Variants in NLGN2 observed in about 807,000 individuals in gnomAD.
NLGN2 encodes neuroligin-2.
A neutral mutation model predicts 48.6 loss-of-function variants in NLGN2; 11 were observed. That is an observed-to-expected ratio of 0.23 (90% confidence interval 0.14 to 0.37). NLGN2 has a LOEUF of 0.37. Ranked by LOEUF, NLGN2 falls within the 10% of genes least tolerant of loss-of-function variation. The pLI is 1.00. For synonymous variants in NLGN2, 548 were observed against 550.0 expected, an observed-to-expected ratio of 1.00 and a Z score of 0.05; for missense variants, 801 against 1,225.2, an observed-to-expected ratio of 0.65 and a Z score of 5.17.
rs1249938999 is a variant in NLGN2, at chr17:7,411,787, T to A, written c.458-370T>A. On this transcript the variant is annotated intron_variant, in intron 1 of 6. Transcript: ENST00000302926. The surrounding 1 kb of genome is among the most constrained non-coding windows in gnomAD (Gnocchi z 4.5). Reference sequence around the variant, plus strand: ...GCTTCCCCTCCCCTCCCACCCCACCTCTAACACTGTTTCATTTCCAGCAAT... The same window carrying A: ...GCTTCCCCTCCCCTCCCACCCCACCACTAACACTGTTTCATTTCCAGCAAT... Among the ~76,000 whole-genome samples the A allele has an allele frequency of 1.2e-4, 13 of 111,048 alleles. No individual in the cohort carries two copies. The highest frequency in any genetic ancestry group is 2.2e-4 in the Non-Finnish European group (12 of 54,056). The allele number at this position is 111,048 out of a possible 152,430, so 72.9% of individuals were successfully genotyped here. A position where few individuals can be genotyped will look rare whatever the true frequency, so the allele number is the denominator to read the frequency against.
chr17:7,416,668 C>T (rs1027863299), intron 6 of NLGN2, among the ~76,000 whole-genome samples: 1 of 152,156 alleles, frequency 6.6e-6, no homozygotes, highest in East Asian at 1.9e-4. Context: ...CTGTGTGTGT[C>T]CCTGCCCCTC....
chr17:7,407,510 A>G (rs1906693572), upstream of NLGN2, among the ~76,000 whole-genome samples: 1 of 152,188 alleles, frequency 6.6e-6, no homozygotes, highest in Non-Finnish European at 1.5e-5. Context: ...CCATGAAATT[A>G]CAGCTCAGGA....
intron 6 of NLGN2, among the ~76,000 whole-genome samples, chr17:7,416,696 GTC>G (rs978740980): frequency 8.5e-5 from 13 of 152,172 alleles, no homozygotes; most frequent in African/African-American, 3.1e-4. Context: ...ATTTCTGGCT[GTC>G]TCTGCCAGTC....
chr17:7,414,904 C>T (rs1907037005), intron 4 of NLGN2, 52 bp from the exon 5 acceptor site: 7 of 1,613,456 alleles, frequency 4.3e-6, no homozygotes, highest in Non-Finnish European at 5.9e-6. Flanking sequence ...ACTCCCCCCT[C>T]TCCTTCAGGC....
At position 7,411,079 on chromosome 17, in the gene NLGN2, C is replaced by T. The variant is rs1179750888; in HGVS notation, c.458-1078C>T. Among the ~76,000 whole-genome samples, 1 of 152,246 alleles carries T rather than the reference C, an allele frequency of 6.6e-6. No homozygotes were observed. The highest frequency in any genetic ancestry group is 1.5e-5 in the Non-Finnish European group (1 of 68,040). ...CCCCAGGCCTCTGGGCTCCAGCTCG[C>T]CCCTGACCAACCCCGTAATCTGGAA... On this transcript the variant is annotated intron_variant, in intron 1 of 6. Transcript: ENST00000302926. The surrounding 1 kb of genome is among the most constrained non-coding windows in gnomAD (Gnocchi z 4.5).
chr17:7,406,336 C>G (rs1362500623), upstream of NLGN2, among the ~76,000 whole-genome samples: 2 of 151,394 alleles, frequency 1.3e-5, no homozygotes, highest in Non-Finnish European at 2.9e-5. Context: ...CCAGAGTACC[C>G]TCAAGAGGAG....
rs772685956 is a variant in NLGN2, at chr17:7,413,735, A to G, written c.509-609A>G. ...TAAGCAGGCTCTTCCTCCTCCTGCC[A>G]CAGTAATTAGGCTGGGGGTTGCCAT... On this transcript the variant is annotated intron_variant, in intron 2 of 6. Coordinates refer to ENST00000302926, the MANE Select transcript of NLGN2 (RefSeq NM_020795.4). The surrounding 1 kb of genome is among the most constrained non-coding windows in gnomAD (Gnocchi z 4.9). 6.6e-6 allele frequency among the ~76,000 whole-genome samples: 1 copy of G among 152,048 alleles called. No homozygotes were observed. Among genetic ancestry groups the G allele is most frequent in the Admixed American group, 6.6e-5 (1 of 15,256 alleles).
At position 7,414,383 on chromosome 17, in the gene NLGN2, T is replaced by C; in HGVS notation, c.548T>C (p.Leu183Pro). 6.2e-7 allele frequency: 1 copy of C among 1,614,032 alleles called. No individual in the cohort carries two copies. Among genetic ancestry groups the C allele is most frequent in the Non-Finnish European group, 8.5e-7 (1 of 1,179,962 alleles). The change falls in exon 3 of 7, where the codon CTC (leucine) becomes CCC (proline). Residue 183 changes from leucine to proline, a missense_variant. Physicochemically the swap from Leu to Pro is moderately conservative, Grantham distance 98. This residue lies in a region of NLGN2 where 56 missense variants were observed against 100.0 expected (regional missense o/e 0.56). Transcript: ENST00000302926. ...DPGKKPVMLF[L>P]HGGSYMEGTG... ...GGGAAGAAGCCTGTGATGCTGTTTC[T>C]CCATGGCGGCTCCTACATGGAGGGG...
chr17:7,405,284 C>T (rs979537442), upstream of NLGN2: 19 of 152,490 alleles, frequency 1.2e-4, no homozygotes, highest in African/African-American at 4.6e-4. The surrounding 1 kb of genome is among the most constrained non-coding windows in gnomAD (Gnocchi z 6.8). Context: ...TCTGGTCCCT[C>T]GAAGCCGGCC....
chr17:7,407,772 C>T (rs1248978869), upstream of NLGN2, among the ~76,000 whole-genome samples: 2 of 151,850 alleles, frequency 1.3e-5, no homozygotes, highest in Admixed American at 6.6e-5. Flanking sequence ...CCAACCTAGG[C>T]GTCTGCTGAG....
chr17:7,409,300 C>T (rs913895395), intron 1 of NLGN2, among the ~76,000 whole-genome samples: 5 of 152,088 alleles, frequency 3.3e-5, no homozygotes, highest in African/African-American at 4.8e-5. Context: ...GACCCCTGTA[C>T]GCCCCTGAAG....
chr17:7,416,344 C>G (rs964850267), intron 6 of NLGN2, among the ~76,000 whole-genome samples: 4 of 151,438 alleles, frequency 2.6e-5, no homozygotes, highest in African/African-American at 9.7e-5. Flanking sequence ...TGGCGTCTGT[C>G]TCTCCCTCCT....
rs886509443 is a variant in NLGN2 at position 7,417,423 on chromosome 17, G to A, written c.2132G>A (p.Arg711Gln). The change falls in exon 7 of 7, where the codon CGG becomes CAG. Residue 711 changes from arginine (R) to glutamine (Q), a missense_variant. Coordinates refer to ENST00000302926, the MANE Select transcript of NLGN2 (RefSeq NM_020795.4). ...CGGCGGCAGGAGCTGCGGTGCAGGC[G>A]GCTTAGCCCACCTGGCGGCTCAGGC... is the stretch of plus-strand genomic sequence containing the variant. ...RDRRQELRCRRLSPPGGSGSG... is the reference protein window; with the variant it reads ...RDRRQELRCRQLSPPGGSGSG... The A allele has an allele frequency of 2.4e-5, 38 of 1,605,478 alleles. No homozygotes were observed. The highest frequency in any genetic ancestry group is 2.9e-5 in the Non-Finnish European group (34 of 1,177,170).
At chr17:7,407,317 C>T (rs142960660), upstream of NLGN2, among the ~76,000 whole-genome samples, 411 of 152,310 alleles carry the variant, frequency 2.7e-3, 1 homozygote, top group African/African-American at 9.7e-3. Context: ...GCGTCCCCTC[C>T]CTACTCTAAC....
rs1597714472 is a variant in NLGN2 at position 7,417,514 on chromosome 17, G to A, written c.2223G>A (p.Glu741=). The A allele has an allele frequency of 2.0e-6, 3 of 1,506,524 alleles. No homozygotes were observed. The highest frequency in any genetic ancestry group is 1.3e-5 in the South Asian group (1 of 77,650). 93.3% of individuals were successfully genotyped at this position (1,506,524 alleles called of 1,614,324 possible). A position where few individuals can be genotyped will look rare whatever the true frequency, so the allele number is the denominator to read the frequency against. The change falls in exon 7 of 7, where the codon GAG becomes GAA. Residue 741 remains glutamate (E), a synonymous_variant. Transcript: ENST00000302926. The stretch of plus-strand genomic sequence containing the variant: ...GCCGTGAGCTGCCACCAGAGGAGGA[G>A]CTGGTGTCACTGCAGCTGAAGCGGG... The part of the protein sequence containing the change: ...AAGRELPPEE[E]LVSLQLKRGG...
Position 7,416,055 on chromosome 17 carries a change from G to A in NLGN2, c.1582G>A (p.Val528Ile), listed in dbSNP as rs760021276. The A allele has an allele frequency of 9.1e-5, 141 of 1,555,830 alleles. No homozygotes were observed. Among genetic ancestry groups the A allele is most frequent in the Admixed American group, 2.8e-4 (16 of 57,962 alleles). The change falls in exon 6 of 7, where the codon GTC becomes ATC. Residue 528 changes from valine to isoleucine, a missense_variant. This residue lies in a region of NLGN2 where 303 missense variants were observed against 600.1 expected (regional missense o/e 0.50). Transcript: ENST00000302926. ...CCCCTGTAACTTCTCCAAGAATGAC[G>A]TCATGCTCAGTGCCGTGGTCATGAC... is the stretch of plus-strand genomic sequence containing the variant. Reference protein sequence around the residue: ...LFPCNFSKNDVMLSAVVMTYW... With the variant: ...LFPCNFSKNDIMLSAVVMTYW...
In NLGN2 at chr17:7,417,978, G is replaced by T; in HGVS notation, c.*179G>T. On this transcript the variant is annotated 3_prime_UTR_variant, in exon 7 of 7. Transcript: ENST00000302926. ...TGTCTTTCCCACGCAGAGAAGCCCA[G>T]TCTCTTCTCTGGATCTGGGCCTTTG... is the stretch of plus-strand genomic sequence containing the variant. The T allele has an allele frequency of 2.1e-6, 1 of 476,388 alleles. No homozygotes were observed. Among genetic ancestry groups the T allele is most frequent in the Non-Finnish European group, 3.3e-6 (1 of 299,420 alleles). 29.5% of individuals were successfully genotyped at this position (476,388 alleles called of 1,614,324 possible).
In NLGN2 at chr17:7,411,372, C is replaced by T. The variant is rs138641949; in HGVS notation, c.458-785C>T. On this transcript the variant is annotated intron_variant, in intron 1 of 6. Coordinates refer to ENST00000302926, the MANE Select transcript of NLGN2 (RefSeq NM_020795.4). This position sits in a 1 kb window ranked among gnomAD's most constrained non-coding sequence, Gnocchi z 4.5. Reference sequence around the variant, plus strand: ...GGGAGTGCGGAGGGTTGAGCTGGAGCGGAGGGCAAGACCTGATGACCCCCT... The same window carrying T: ...GGGAGTGCGGAGGGTTGAGCTGGAGTGGAGGGCAAGACCTGATGACCCCCT... Among the ~76,000 whole-genome samples the T allele has an allele frequency of 8.9e-3, 1,349 of 152,196 alleles. 70 individuals carry two copies. Among genetic ancestry groups the T allele is most frequent in the Admixed American group, 0.081 (1,239 of 15,284 alleles).
rs12947017 is a variant in NLGN2, at chr17:7,415,616, C to T, written c.1143C>T (p.Gly381=). The change falls in exon 6 of 7, where the codon GGC becomes GGT. Residue 381 remains glycine, a synonymous_variant. Coordinates refer to ENST00000302926, the MANE Select transcript of NLGN2 (RefSeq NM_020795.4). The part of the protein sequence containing the change: ...GEFLNYDMLI[G]VNQGEGLKFV... ...TCCTCAACTACGACATGCTCATCGG[C>T]GTCAACCAGGGAGAGGGCCTCAAGT... 577,471 of 1,613,150 alleles carry T rather than the reference C, an allele frequency of 0.36. 110,251 individuals carry two copies. The highest frequency in any genetic ancestry group is 0.4 in the Non-Finnish European group (472,047 of 1,179,218).
Sources: gnomAD v4.1 joint callset for allele counts (sites outside exome capture counted in the v4.1 genomes callset) on GRCh38, gnomAD v4.1.1 for gene constraint, gnomAD v4.1.1 regional missense constraint, Gnocchi (gnomAD v3.1) non-coding constraint, MANE v1.5 for transcripts, NCBI Gene and HGNC (gene_info 2026-07-23, HGNC 2026-07-21) for gene names.